Variants in OCA2 observed in about 807,000 individuals in gnomAD.
The protein encoded by OCA2 is OCA2 melanosomal transmembrane protein.
Under a neutral mutation model 100.2 loss-of-function variants are expected in OCA2, and 77 were observed. The observed-to-expected ratio is 0.77, with a 90% CI of 0.64 to 0.93. The LOEUF is 0.93. Ranked by LOEUF, OCA2 falls within the 40% of genes least tolerant of loss-of-function variation. The pLI is 0.00. For missense variants in OCA2, 1,062 were observed against 1,089.1 expected (o/e 0.98, Z 0.35); for synonymous variants, 432 against 439.2 (o/e 0.98, Z 0.21).
intron 19 of OCA2, among the ~76,000 whole-genome samples, chr15:27,897,530 T>C (rs2037756498): frequency 6.6e-6 from 1 of 152,202 alleles, no homozygotes; most frequent in Non-Finnish European, 1.5e-5. Flanking sequence ...TGCAGGTGCA[T>C]GGAAGTCAAG....
In OCA2 at chr15:27,954,683, CA is replaced by C. The variant is rs373555693; in HGVS notation, c.1842+474del. Among the ~76,000 whole-genome samples, 505 of 151,736 alleles carry C rather than the reference CA, an allele frequency of 3.3e-3. 2 individuals are homozygous for C. Among genetic ancestry groups the C allele is most frequent in the African/African-American group, 0.012 (476 of 41,294 alleles). On this transcript the variant is annotated intron_variant, in intron 17 of 23. Coordinates refer to ENST00000354638, the MANE Select transcript of OCA2 (RefSeq NM_000275.3). ...TAAATGGGCTGAGAAAGTCCACCCC[CA>C]TGGAAGAATGAGCCAAAAAAAACAA...
At chr15:27,807,677 C>T (rs1471460732) in intron 23 of OCA2, among the ~76,000 whole-genome samples, 2 of 152,104 alleles carry the variant, frequency 1.3e-5, no homozygotes, top group African/African-American at 2.4e-5. Context: ...GCCTTTTTCA[C>T]TCTTCGGAAG....
At chr15:27,918,197 G>T (rs2038736351) in intron 19 of OCA2, among the ~76,000 whole-genome samples, 1 of 147,972 alleles carries the variant, frequency 6.8e-6, no homozygotes, top group Non-Finnish European at 1.5e-5. Flanking sequence ...GGATTCAAGT[G>T]ATTCTCCTGT....
intron 14 of OCA2, among the ~76,000 whole-genome samples, chr15:27,972,872 TA>T (rs1343199027): frequency 2.0e-4 from 11 of 55,398 alleles, no homozygotes; most frequent in African/African-American, 3.6e-4. Flanking sequence ...TATTTTATTT[TA>T]TTTTATTTTT....
rs115758377 is a variant in OCA2 at position 27,765,536 on chromosome 15, C to T, written c.2433-10064G>A. ...AGAGGAAGGTTTTCAGGATTCAAGT[C>T]TTAGTTATGGATTAGAAACTAATCA... is the stretch of plus-strand genomic sequence containing the variant. On this transcript the variant is annotated intron_variant, in intron 23 of 23. Transcript: ENST00000354638. 8.6e-3 allele frequency among the ~76,000 whole-genome samples: 1,303 copies of T among 152,212 alleles called. 18 individuals carry two copies. Among genetic ancestry groups the T allele is most frequent in the African/African-American group, 0.03 (1,258 of 41,504 alleles).
intron 19 of OCA2, among the ~76,000 whole-genome samples, chr15:27,895,071 A>G (rs562897281): frequency 1.3e-5 from 2 of 152,264 alleles, no homozygotes; most frequent in South Asian, 4.2e-4. Context: ...AAAGGAATAA[A>G]TTCCTGGGTC....
At chr15:28,069,497 C>A (rs2044151329) in intron 2 of OCA2, among the ~76,000 whole-genome samples, 1 of 129,798 alleles carries the variant, frequency 7.7e-6, no homozygotes. Flanking sequence ...CATCTCGGCT[C>A]ACTGCAACCT....
At chr15:28,040,302 T>C (rs774467025) in intron 2 of OCA2, among the ~76,000 whole-genome samples, 1 of 152,062 alleles carries the variant, frequency 6.6e-6, no homozygotes, top group Non-Finnish European at 1.5e-5. Flanking sequence ...TATAATACCT[T>C]GAGACAAATG....
intron 2 of OCA2, among the ~76,000 whole-genome samples, chr15:28,075,095 T>C (rs11634389): frequency 1.3e-5 from 2 of 152,202 alleles, no homozygotes; most frequent in African/African-American, 4.8e-5. Context: ...AAAATCTTTG[T>C]GATCTTGGGT....
At chr15:27,760,886 A>G (rs1356418857) in intron 23 of OCA2, among the ~76,000 whole-genome samples, 2 of 152,144 alleles carry the variant, frequency 1.3e-5, no homozygotes, top group African/African-American at 2.4e-5. Flanking sequence ...CTTCCAGAAA[A>G]TAAAAGGGGA....
chr15:28,091,969 T>C (rs1350883489), intron 1 of OCA2, among the ~76,000 whole-genome samples: 1 of 151,966 alleles, frequency 6.6e-6, no homozygotes, highest in Non-Finnish European at 1.5e-5. Flanking sequence ...AAAACAAAAG[T>C]ACAAACAACC....
chr15:27,983,481 A>C lies in OCA2; in HGVS notation c.1367T>G (p.Leu456Trp). 1 of 1,614,202 alleles carries C rather than the reference A, an allele frequency of 6.2e-7. No homozygotes were observed. The highest frequency in any genetic ancestry group is 8.5e-7 in the Non-Finnish European group (1 of 1,180,036). ...TGGATCAAGGTTGAGCACCTCACAC[A>C]ACCTGTCACAAATGGAGGAAAATGA... is the stretch of plus-strand genomic sequence containing the variant. Reference protein sequence around the residue: ...MLLFTPVTIRLCEVLNLDPRQ... With the variant: ...MLLFTPVTIRWCEVLNLDPRQ... The change falls in exon 14 of 24, where the codon TTG (leucine) becomes TGG (tryptophan). Residue 456 changes from leucine to tryptophan, a missense_variant and splice_region_variant. Leu to Trp is a moderately conservative substitution (Grantham distance 61). Coordinates refer to ENST00000354638, the MANE Select transcript of OCA2 (RefSeq NM_000275.3).
intron 2 of OCA2, among the ~76,000 whole-genome samples, chr15:28,073,183 G>T (rs1454339087): frequency 1.3e-5 from 2 of 152,212 alleles, no homozygotes; most frequent in Non-Finnish European, 2.9e-5. Flanking sequence ...GGAGGCGGAG[G>T]TGGGCGGATC....
At chr15:28,007,346 G>C (rs1338530228) in intron 9 of OCA2, among the ~76,000 whole-genome samples, 3 of 152,206 alleles carry the variant, frequency 2.0e-5, no homozygotes, top group Admixed American at 2.0e-4. Context: ...GCTGCATTGG[G>C]AAATCTCCCA....
chr15:27,872,323 G>A (rs1390053425), intron 19 of OCA2, among the ~76,000 whole-genome samples: 1 of 152,186 alleles, frequency 6.6e-6, no homozygotes, highest in African/African-American at 2.4e-5. Context: ...AGTTTTAAAA[G>A]ACATTTTTAA....
chr15:28,046,869 A>G lies in OCA2; in HGVS notation c.228-14706T>C, dbSNP rs145627436. 4.7e-3 allele frequency among the ~76,000 whole-genome samples: 719 copies of G among 152,320 alleles called. 1 individual carries two copies. Among genetic ancestry groups the G allele is most frequent in the Non-Finnish European group, 7.3e-3 (497 of 68,030 alleles). On this transcript the variant is annotated intron_variant, in intron 2 of 23. Transcript: ENST00000354638. The stretch of plus-strand genomic sequence containing the variant: ...CAAGCCTGGCTTTACTCTTACTTCA[A>G]ATCGACATGCCTAAAAATGAATTAA...
In OCA2 at chr15:27,938,472, C is replaced by A. The variant is rs565716545; in HGVS notation, c.1952-12218G>T. Among the ~76,000 whole-genome samples the A allele has an allele frequency of 1.2e-4, 18 of 152,038 alleles. No individual in the cohort carries two copies. In the South Asian group the frequency reaches 3.3e-3, roughly 28 times the overall value. On this transcript the variant is annotated intron_variant, in intron 18 of 23. Coordinates refer to ENST00000354638, the MANE Select transcript of OCA2 (RefSeq NM_000275.3). ...GCAAAAGTGTTTCAATGTATGCATT[C>A]CACCCCACTTCCAAAAATGGAAGGG...
chr15:27,851,477 T>C lies in OCA2; in HGVS notation c.2245-2A>G, dbSNP rs1242264228. On this transcript the variant is annotated splice_acceptor_variant, in intron 21 of 23. Coordinates refer to ENST00000354638, the MANE Select transcript of OCA2 (RefSeq NM_000275.3). LOFTEE classifies it high-confidence loss of function. ...GCTCAGGTTCAGGAGCACGGGAATC[T>C]GTGGAGGAAGAGGACATTGATGCCA... 3 of 1,612,378 alleles carry C rather than the reference T, an allele frequency of 1.9e-6. No homozygotes were observed. The highest frequency in any genetic ancestry group is 2.2e-5 in the East Asian group (1 of 44,820).
chr15:27,957,014 C>T lies in OCA2; in HGVS notation c.1784+574G>A, dbSNP rs556642919. On this transcript the variant is annotated intron_variant, in intron 16 of 23. Transcript: ENST00000354638. This position sits in a 1 kb window ranked among gnomAD's most constrained non-coding sequence, Gnocchi z 4.3. ...CAGCATCCCTTGGGGGGCCACCAGG[C>T]TCCTGCTTCTTCTGTCTGAGCTTCC... Among the ~76,000 whole-genome samples the T allele has an allele frequency of 6.6e-6, 1 of 152,368 alleles. No homozygotes were observed. Among genetic ancestry groups the T allele is most frequent in the Admixed American group, 6.5e-5 (1 of 15,314 alleles).
Sources: gnomAD v4.1 joint callset for allele counts (sites outside exome capture counted in the v4.1 genomes callset) on GRCh38, gnomAD v4.1.1 for gene constraint, Gnocchi (gnomAD v3.1) non-coding constraint, MANE v1.5 for transcripts, NCBI Gene and HGNC (gene_info 2026-07-23, HGNC 2026-07-21) for gene names.